Variants in UBE2E2 observed in about 807,000 individuals in gnomAD.
UBE2E2 encodes the protein ubiquitin-conjugating enzyme E2 E2.
A neutral mutation model predicts 24.7 loss-of-function variants in UBE2E2; 6 were observed. The observed-to-expected ratio is 0.24, with a 90% CI of 0.13 to 0.48. The LOEUF (loss-of-function observed/expected upper bound fraction) is 0.48. Ranked by LOEUF, UBE2E2 falls within the 20% of genes least tolerant of loss-of-function variation. The pLI is 0.99. For synonymous variants in UBE2E2, 104 were observed against 83.6 expected (o/e 1.24, Z -1.33); for missense variants, 169 against 245.0 (o/e 0.69, Z 2.07).
intron 3 of UBE2E2, among the ~76,000 whole-genome samples, chr3:23,279,928 G>A (rs1040881104): frequency 1.3e-5 from 2 of 152,184 alleles, no homozygotes; most frequent in Non-Finnish European, 2.9e-5. Flanking sequence ...TAGCCACAGA[G>A]CCCATCTTGT....
chr3:23,418,686 T>C (rs1697713788), intron 3 of UBE2E2, among the ~76,000 whole-genome samples: 1 of 152,200 alleles, frequency 6.6e-6, no homozygotes, highest in Admixed American at 6.5e-5. Flanking sequence ...TAGACTATTT[T>C]CTGGAGATGT....
chr3:23,275,825 T>G (rs1698363156), intron 3 of UBE2E2, among the ~76,000 whole-genome samples: 2 of 152,058 alleles, frequency 1.3e-5, no homozygotes, highest in Admixed American at 1.3e-4. Context: ...TCACAGTGTT[T>G]GGAAAACTTA....
chr3:23,383,376 C>A (rs78371224), intron 3 of UBE2E2, among the ~76,000 whole-genome samples: 4,594 of 151,996 alleles, frequency 0.03, 96 homozygotes, highest in Non-Finnish European at 0.047. Flanking sequence ...TGGAATCTAG[C>A]AAATGATGAT....
intron 3 of UBE2E2, among the ~76,000 whole-genome samples, chr3:23,252,387 T>A (rs982271502): frequency 1.3e-5 from 2 of 152,190 alleles, no homozygotes; most frequent in African/African-American, 4.8e-5. Context: ...AATAACACTA[T>A]CATTCAGCTT....
At chr3:23,326,480 C>A (rs899185070) in intron 3 of UBE2E2, among the ~76,000 whole-genome samples, 2 of 152,122 alleles carry the variant, frequency 1.3e-5, no homozygotes, top group African/African-American at 2.4e-5. Context: ...ACCCTTTGAG[C>A]AGCTGCTGAG....
chr3:23,353,488 C>T (rs1176842697), intron 3 of UBE2E2, among the ~76,000 whole-genome samples: 2 of 152,158 alleles, frequency 1.3e-5, no homozygotes, highest in Non-Finnish European at 2.9e-5. Flanking sequence ...TAGAAAACCC[C>T]ATCGTGTCAG....
chr3:23,227,699 A>G (rs1696864013), intron 3 of UBE2E2, among the ~76,000 whole-genome samples: 1 of 152,208 alleles, frequency 6.6e-6, no homozygotes, highest in Non-Finnish European at 1.5e-5. Flanking sequence ...TGCGTGTACT[A>G]AGTGACTAGA....
At chr3:23,501,556 C>T (rs75365744) in intron 4 of UBE2E2, among the ~76,000 whole-genome samples, 1,934 of 152,258 alleles carry the variant, frequency 0.013, 29 homozygotes, top group African/African-American at 0.044. Context: ...ATTATACACA[C>T]TTGCCTTGGA....
chr3:23,367,790 T>C (rs1671945780), intron 3 of UBE2E2, among the ~76,000 whole-genome samples: 2 of 152,148 alleles, frequency 1.3e-5, no homozygotes, highest in Non-Finnish European at 2.9e-5. Context: ...AGGGCAGTCT[T>C]GTGGACTGAG....
At chr3:23,444,091 G>A (rs1484720686) in intron 3 of UBE2E2, among the ~76,000 whole-genome samples, 1 of 93,314 alleles carries the variant, frequency 1.1e-5, no homozygotes, top group East Asian at 3.1e-4. Flanking sequence ...TTGCCAGCTT[G>A]TGTTGCTTGC....
At chr3:23,494,041 A>G (rs1241871589) in intron 3 of UBE2E2, among the ~76,000 whole-genome samples, 3 of 152,216 alleles carry the variant, frequency 2.0e-5, no homozygotes, top group African/African-American at 7.2e-5. Context: ...CCAGGTCCTA[A>G]CAGGCTTTAA....
chr3:23,380,826 T>C (rs1369262763), intron 3 of UBE2E2, among the ~76,000 whole-genome samples: 9 of 152,192 alleles, frequency 5.9e-5, no homozygotes, highest in African/African-American at 1.7e-4. Flanking sequence ...TTTTTTGAGC[T>C]GCCATGAGAT....
intron 3 of UBE2E2, among the ~76,000 whole-genome samples, chr3:23,281,066 G>C (rs1016739696): frequency 2.0e-5 from 3 of 152,108 alleles, no homozygotes; most frequent in African/African-American, 4.8e-5. Context: ...CCCATCGTCA[G>C]GGACCCACCC....
At chr3:23,259,731 G>A (rs937493060) in intron 3 of UBE2E2, among the ~76,000 whole-genome samples, 20 of 152,208 alleles carry the variant, frequency 1.3e-4, no homozygotes, top group African/African-American at 4.3e-4. Context: ...CGTATTGGAA[G>A]AGGTTGATGG....
In UBE2E2 at chr3:23,589,852, C is replaced by G; in HGVS notation, c.*21C>G. On this transcript the variant is annotated 3_prime_UTR_variant, in exon 6 of 6. Transcript: ENST00000396703. The surrounding 1 kb of genome is among the most constrained non-coding windows in gnomAD (Gnocchi z 4.1). ...CATAGGGGCCTGCTGCCTGCCGCCC[C>G]GCGGGACCTGTGCAAGCACATTCAC... 1.2e-6 allele frequency: 2 copies of G among 1,613,274 alleles called. No individual in the cohort carries two copies. The highest frequency in any genetic ancestry group is 2.2e-5 in the South Asian group (2 of 91,016).
intron 3 of UBE2E2, among the ~76,000 whole-genome samples, chr3:23,341,987 A>G (rs1450160414): frequency 6.6e-6 from 1 of 152,210 alleles, no homozygotes; most frequent in East Asian, 1.9e-4. Context: ...TAGGGAAGTA[A>G]AAGAGAACAA....
chr3:23,567,959 A>G (rs1696115992), intron 5 of UBE2E2, among the ~76,000 whole-genome samples: 1 of 152,150 alleles, frequency 6.6e-6, no homozygotes, highest in African/African-American at 2.4e-5. Context: ...CTTTAGCAGA[A>G]GATTCATATA....
intron 5 of UBE2E2, among the ~76,000 whole-genome samples, chr3:23,541,753 A>G (rs1695401352): frequency 6.6e-6 from 1 of 152,220 alleles, no homozygotes; most frequent in African/African-American, 2.4e-5. Context: ...CAAATAAGAC[A>G]TATTGTTTGT....
At chr3:23,267,693 T>C (rs1377979408) in intron 3 of UBE2E2, among the ~76,000 whole-genome samples, 1 of 152,122 alleles carries the variant, frequency 6.6e-6, no homozygotes, top group Non-Finnish European at 1.5e-5. Context: ...GAATCCTCCC[T>C]AACTCATTTT....
Sources: gnomAD v4.1 joint callset for allele counts (sites outside exome capture counted in the v4.1 genomes callset) on GRCh38, gnomAD v4.1.1 for gene constraint, Gnocchi (gnomAD v3.1) non-coding constraint, MANE v1.5 for transcripts, NCBI Gene and HGNC (gene_info 2026-07-23, HGNC 2026-07-21) for gene names.